The following LRRC7 variants were observed in gnomAD, a reference collection of about 807,000 sequenced individuals.
The protein encoded by LRRC7 is leucine-rich repeat-containing protein 7.
A neutral mutation model predicts 175.7 loss-of-function variants in LRRC7; 23 were observed. That is an observed-to-expected ratio of 0.13 (90% confidence interval 0.09 to 0.19). The LOEUF is 0.19. Among genes scored for constraint, LRRC7 ranks in the 10% least tolerant of loss-of-function variants. LRRC7 has a pLI of 1.00. For synonymous variants in LRRC7, 685 were observed against 680.9 expected (o/e 1.01, Z -0.09); for missense variants, 1,354 against 1,904.7 (o/e 0.71, Z 5.38).
intron 1 of LRRC7, among the ~76,000 whole-genome samples, chr1:69,671,296 GT>G (rs1659039348): frequency 6.6e-6 from 1 of 152,132 alleles, no homozygotes; most frequent in Non-Finnish European, 1.5e-5. Flanking sequence ...CATGTAGGAA[GT>G]AGGGCCTGGA....
chr1:70,091,477 C>T (rs11589324), intron 25 of LRRC7, among the ~76,000 whole-genome samples: 5,415 of 152,192 alleles, frequency 0.036, 137 homozygotes, highest in Middle Eastern at 0.054. Context: ...TGTTCTTTCT[C>T]ACCAGCATAT....
chr1:69,969,004 G>T (rs1305024780), intron 8 of LRRC7, among the ~76,000 whole-genome samples: 1 of 151,794 alleles, frequency 6.6e-6, no homozygotes, highest in African/African-American at 2.4e-5. Flanking sequence ...ATTTTTAGTA[G>T]AGACAGGGTT....
intron 7 of LRRC7, among the ~76,000 whole-genome samples, chr1:69,906,335 T>A (rs1021775445): frequency 6.6e-6 from 1 of 152,108 alleles, no homozygotes; most frequent in Admixed American, 6.6e-5. Context: ...GTCCTTGCCC[T>A]TGCCTATGTC....
chr1:70,022,772 T>C (rs1394326373), intron 16 of LRRC7, among the ~76,000 whole-genome samples: 1 of 152,198 alleles, frequency 6.6e-6, no homozygotes, highest in East Asian at 1.9e-4. Flanking sequence ...AATCACACTT[T>C]TCTGGTTCAT....
intron 24 of LRRC7, among the ~76,000 whole-genome samples, chr1:70,086,561 TTGAGCC>T (rs1663627672): frequency 6.6e-6 from 1 of 152,028 alleles, no homozygotes; most frequent in Non-Finnish European, 1.5e-5. Flanking sequence ...GGAGAATTAC[TTGAGCC>T]CAGGAGTTCA....
chr1:69,604,929 T>A (rs1359561083), intron 1 of LRRC7, among the ~76,000 whole-genome samples: 1 of 152,202 alleles, frequency 6.6e-6, no homozygotes, highest in African/African-American at 2.4e-5. Context: ...AAACTAGTCT[T>A]CCAGCAAATG....
At chr1:69,963,224 G>C (rs897556811) in intron 8 of LRRC7, among the ~76,000 whole-genome samples, 1 of 150,668 alleles carries the variant, frequency 6.6e-6, no homozygotes, top group African/African-American at 2.5e-5. Flanking sequence ...AGAATTGCTT[G>C]AACCCAGGAG....
At chr1:69,654,250 T>C (rs1028674248) in intron 1 of LRRC7, among the ~76,000 whole-genome samples, 1 of 151,718 alleles carries the variant, frequency 6.6e-6, no homozygotes, top group Admixed American at 6.6e-5. Flanking sequence ...GATAAAAATA[T>C]CAAAAAAGGG....
chr1:69,672,980 G>T lies in LRRC7; in HGVS notation c.3-5401G>T, dbSNP rs1044329427. Among the ~76,000 whole-genome samples, 3 of 152,186 alleles carry T rather than the reference G, an allele frequency of 2.0e-5. No homozygotes were observed. The South Asian group carries it at 6.2e-4, about 32-fold the overall frequency. On this transcript the variant is annotated intron_variant, in intron 1 of 26. Coordinates refer to ENST00000651989, the MANE Select transcript of LRRC7 (RefSeq NM_001370785.2). ...ATTTTTGATAATTTCTATTCTAACT[G>T]CAGTCTCTTCCTCAGGCCCTACATA...
chr1:70,011,147 G>A (rs1656466227), intron 11 of LRRC7, among the ~76,000 whole-genome samples: 1 of 152,106 alleles, frequency 6.6e-6, no homozygotes, highest in Non-Finnish European at 1.5e-5. Context: ...AATGAGCCCT[G>A]TCCATAGCAC....
intron 2 of LRRC7, among the ~76,000 whole-genome samples, chr1:69,680,474 C>T (rs534348531): frequency 5.0e-4 from 76 of 152,108 alleles, no homozygotes; most frequent in Middle Eastern, 3.4e-3. Context: ...TGGATTGTGA[C>T]GATCAGGGAA....
chr1:69,856,312 A>T (rs1455287014), intron 7 of LRRC7, among the ~76,000 whole-genome samples: 1 of 152,194 alleles, frequency 6.6e-6, no homozygotes, highest in Non-Finnish European at 1.5e-5. Flanking sequence ...CAAAATATCA[A>T]TGAATCCAGG....
intron 3 of LRRC7, among the ~76,000 whole-genome samples, chr1:69,760,993 G>A (rs1006964175): frequency 2.7e-5 from 4 of 150,938 alleles, no homozygotes; most frequent in Non-Finnish European, 5.9e-5. Flanking sequence ...GTGCACACCT[G>A]CACACACACA....
intron 23 of LRRC7, among the ~76,000 whole-genome samples, chr1:70,068,777 T>C (rs1180816441): frequency 6.6e-6 from 1 of 152,162 alleles, no homozygotes; most frequent in Non-Finnish European, 1.5e-5. Flanking sequence ...ATTGCAGTAG[T>C]ACAATCATAG....
intron 5 of LRRC7, among the ~76,000 whole-genome samples, chr1:69,832,126 G>C (rs1680595938): frequency 1.3e-5 from 2 of 152,154 alleles, no homozygotes; most frequent in African/African-American, 4.8e-5. Context: ...GGAAATACTT[G>C]TTGAGAGTGT....
At chr1:69,904,975 A>G (rs748449443) in intron 7 of LRRC7, among the ~76,000 whole-genome samples, 1 of 152,168 alleles carries the variant, frequency 6.6e-6, no homozygotes, top group Non-Finnish European at 1.5e-5. Context: ...TCCATTATGT[A>G]TAATTACATA....
intron 3 of LRRC7, among the ~76,000 whole-genome samples, chr1:69,778,600 C>G (rs959533547): frequency 5.9e-5 from 9 of 152,044 alleles, no homozygotes; most frequent in Non-Finnish European, 1.3e-4. Context: ...AGAGCACAAT[C>G]TAATTGGGTT....
intron 2 of LRRC7, among the ~76,000 whole-genome samples, chr1:69,726,591 C>A (rs1227901930): frequency 1.3e-5 from 2 of 152,006 alleles, no homozygotes; most frequent in East Asian, 3.9e-4. Flanking sequence ...GAACAGAGAT[C>A]TGGGCTAAAG....
At position 69,709,589 on chromosome 1, in the gene LRRC7, CTA is replaced by C. The variant is rs367829620; in HGVS notation, c.100+31113_100+31114del. ...AATTTGTTCAATGAATGAATGAATG[CTA>C]TCTGACTCGAAAGTCAGGTTTTACA... is the stretch of plus-strand genomic sequence containing the variant. On this transcript the variant is annotated intron_variant, in intron 2 of 26. Transcript: ENST00000651989. Among the ~76,000 whole-genome samples the C allele has an allele frequency of 9.9e-3, 1,502 of 152,204 alleles. 20 individuals carry two copies. Among genetic ancestry groups the C allele is most frequent in the African/African-American group, 0.029 (1,209 of 41,510 alleles).
Sources: allele counts gnomAD v4.1 joint callset (sites outside exome capture counted in the v4.1 genomes callset), GRCh38; gene constraint gnomAD v4.1.1; transcripts MANE v1.5; gene names NCBI Gene and HGNC (gene_info 2026-07-23, HGNC 2026-07-21).